TTBK1: variants seen among roughly 807,000 people sequenced by gnomAD.
TTBK1 encodes tau-tubulin kinase 1.
Under a neutral mutation model 108.5 loss-of-function variants are expected in TTBK1, and 34 were observed. The observed-to-expected ratio is 0.31, with a 90% CI of 0.24 to 0.42. The LOEUF is 0.42. TTBK1 is among the 10% of genes least tolerant of loss of function. The pLI is 1.00. For missense variants in TTBK1, 1,539 were observed against 1,826.0 expected, an observed-to-expected ratio of 0.84 and a Z score of 2.86; for synonymous variants, 809 against 795.1, an observed-to-expected ratio of 1.02 and a Z score of -0.29.
intron 13 of TTBK1, among the ~76,000 whole-genome samples, chr6:43,268,046 G>A (rs1400497624): frequency 6.6e-6 from 1 of 152,236 alleles, no homozygotes; most frequent in African/African-American, 2.4e-5. Context: ...CTGGGAGCTT[G>A]CAGGGGAGGG....
chr6:43,253,197 G>A lies in TTBK1; in HGVS notation c.257-94G>A. 1 of 1,372,834 alleles carries A rather than the reference G, an allele frequency of 7.3e-7. No homozygotes were observed. The highest frequency in any genetic ancestry group is 1.0e-6 in the Non-Finnish European group (1 of 962,476). 85.0% of individuals were successfully genotyped at this position (1,372,834 alleles called of 1,614,324 possible). ...GTGCTCACAGGGCCAGCACTGGAGG[G>A]ACCAGGAATCAAGAGTGCACTAGGA... On this transcript the variant is annotated intron_variant, in intron 3 of 14. Transcript: ENST00000259750. The surrounding 1 kb of genome is among the most constrained non-coding windows in gnomAD (Gnocchi z 5.8).
In TTBK1 at chr6:43,276,049, C is replaced by T. The variant is rs892676739; in HGVS notation, c.1987-6678C>T. ...TGCGTAAGGAGACGCCTTCTAATTGCGGGGTGGGGGCGGAGTAGGGGAGGG... is the reference window on the plus strand; with the variant it reads ...TGCGTAAGGAGACGCCTTCTAATTGTGGGGTGGGGGCGGAGTAGGGGAGGG... On this transcript the variant is annotated intron_variant, in intron 13 of 14. Coordinates refer to ENST00000259750, the MANE Select transcript of TTBK1 (RefSeq NM_032538.3). The surrounding 1 kb of genome is among the most constrained non-coding windows in gnomAD (Gnocchi z 5.4). Among the ~76,000 whole-genome samples, 2 of 151,156 alleles carry T rather than the reference C, an allele frequency of 1.3e-5. No homozygotes were observed. Among genetic ancestry groups the T allele is most frequent in the Admixed American group, 6.6e-5 (1 of 15,266 alleles).
chr6:43,280,985 G>A (rs987735102), intron 13 of TTBK1, among the ~76,000 whole-genome samples: 4 of 152,166 alleles, frequency 2.6e-5, no homozygotes, highest in African/African-American at 9.7e-5. Context: ...GGCAGGGGCA[G>A]GGGACGGAGG....
chr6:43,271,683 G>A, intron 13 of TTBK1: 1 of 985,196 alleles, frequency 1.0e-6, no homozygotes, highest in Non-Finnish European at 1.2e-6. Flanking sequence ...CCACCATTGT[G>A]GTATGGCTCA....
At position 43,247,247 on chromosome 6, in the gene TTBK1, C is replaced by A. The variant is rs536818619; in HGVS notation, c.108+479C>A. Among the ~76,000 whole-genome samples, 3 of 152,340 alleles carry A rather than the reference C, an allele frequency of 2.0e-5. No homozygotes were observed. The East Asian group carries it at 5.8e-4, about 29-fold the overall frequency. On this transcript the variant is annotated intron_variant, in intron 2 of 14. Coordinates refer to ENST00000259750, the MANE Select transcript of TTBK1 (RefSeq NM_032538.3). ...CACTCCATCTTCTCCATCCAGCCTC[C>A]TCCCCTCGCCGGGTCCTGCGGCAGG... is the stretch of plus-strand genomic sequence containing the variant.
At chr6:43,264,723 G>A (rs1276645103) in intron 13 of TTBK1, among the ~76,000 whole-genome samples, 1 of 152,182 alleles carries the variant, frequency 6.6e-6, no homozygotes, top group Non-Finnish European at 1.5e-5. Context: ...GCAGGGAGGA[G>A]TGGGAAGTGG....
At position 43,257,474 on chromosome 6, in the gene TTBK1, C is replaced by G. The variant is rs180827766; in HGVS notation, c.862-338C>G. Among the ~76,000 whole-genome samples the G allele has an allele frequency of 9.9e-5, 15 of 152,088 alleles. No homozygotes were observed. In the East Asian group the frequency reaches 2.5e-3, roughly 26 times the overall value. On this transcript the variant is annotated intron_variant, in intron 9 of 14. Coordinates refer to ENST00000259750, the MANE Select transcript of TTBK1 (RefSeq NM_032538.3). The surrounding 1 kb of genome is among the most constrained non-coding windows in gnomAD (Gnocchi z 4.5). ...AGGGGCAGTCTGTGCAGAGGCAGCA[C>G]CCCATGCATGGGTTTGGAAACTCCC...
In TTBK1 at chr6:43,263,469, G is replaced by A; in HGVS notation, c.1986+119G>A. 1 of 1,005,786 alleles carries A rather than the reference G, an allele frequency of 9.9e-7. No homozygotes were observed. The highest frequency in any genetic ancestry group is 2.8e-5 in the East Asian group (1 of 35,430). The allele number at this position is 1,005,786 out of a possible 1,614,324, so 62.3% of individuals were successfully genotyped here. On this transcript the variant is annotated intron_variant, in intron 13 of 14. Transcript: ENST00000259750. The surrounding 1 kb of genome is among the most constrained non-coding windows in gnomAD (Gnocchi z 4.7). The stretch of plus-strand genomic sequence containing the variant: ...CCAGTAAGCCAGCAGTCACAGGGCT[G>A]TGATGGAGGTAGACAGGCTTAAGGG...
rs371995432 is a variant in TTBK1 at position 43,280,614 on chromosome 6, T to C, written c.1987-2113T>C. Among the ~76,000 whole-genome samples, 80 of 152,308 alleles carry C rather than the reference T, an allele frequency of 5.3e-4. 3 individuals carry two copies. Among genetic ancestry groups the C allele is most frequent in the African/African-American group, 1.7e-3 (70 of 41,560 alleles). On this transcript the variant is annotated intron_variant, in intron 13 of 14. Coordinates refer to ENST00000259750, the MANE Select transcript of TTBK1 (RefSeq NM_032538.3). ...ACAAGAGACATTCAAAGACCACTTC[T>C]TGAGGGAGTAAATGAAGAAACCCTC...
chr6:43,278,172 A>G (rs1333668017), intron 13 of TTBK1, among the ~76,000 whole-genome samples: 1 of 152,076 alleles, frequency 6.6e-6, no homozygotes, highest in Non-Finnish European at 1.5e-5. Context: ...GGTGTCAGAG[A>G]AGTTTCCCCA....
Position 43,253,554 on chromosome 6 carries a change from C to G in TTBK1, c.331-14C>G. The stretch of plus-strand genomic sequence containing the variant: ...CTGAGGGTGAGTCTACCCCCCACCT[C>G]CACCCCCATGCAGGGCCGGAACCTG... On this transcript the variant is annotated splice_polypyrimidine_tract_variant and intron_variant, in intron 4 of 14. Coordinates refer to ENST00000259750, the MANE Select transcript of TTBK1 (RefSeq NM_032538.3). This position sits in a 1 kb window ranked among gnomAD's most constrained non-coding sequence, Gnocchi z 5.8. 1 of 1,599,416 alleles carries G rather than the reference C, an allele frequency of 6.3e-7. No homozygotes were observed. Among genetic ancestry groups the G allele is most frequent in the Non-Finnish European group, 8.5e-7 (1 of 1,172,564 alleles).
rs755920971 is a variant in TTBK1 at position 43,246,699 on chromosome 6, C to A, written c.39C>A (p.Asn13Lys). ...CLAAALKDETNMSGGGEQADI... is the reference protein window; with the variant it reads ...CLAAALKDETKMSGGGEQADI... ...CGGCCGCCCTTAAGGACGAAACCAA[C>A]ATGAGTGGGGGAGGGGAGCAGGCCG... The change falls in exon 2 of 15, where the codon AAC becomes AAA. Residue 13 changes from asparagine to lysine, a missense_variant. Transcript: ENST00000259750. 1.1e-5 allele frequency: 17 copies of A among 1,612,038 alleles called. No individual in the cohort carries two copies. In the African/African-American group the frequency reaches 2.3e-4, roughly 22 times the overall value.
At position 43,279,802 on chromosome 6, in the gene TTBK1, G is replaced by A. The variant is rs558726707; in HGVS notation, c.1987-2925G>A. ...TTGTTGTGTTTTTTGAGACAGTGTC[G>A]TTCTGTTGCCCAGGCTGGAGTGCAG... On this transcript the variant is annotated intron_variant, in intron 13 of 14. Coordinates refer to ENST00000259750, the MANE Select transcript of TTBK1 (RefSeq NM_032538.3). Among the ~76,000 whole-genome samples the A allele has an allele frequency of 5.4e-4, 82 of 152,080 alleles. 1 individual carries two copies. In the South Asian group the frequency reaches 0.014, roughly 27 times the overall value.
chr6:43,277,501 C>T (rs1435836698), intron 13 of TTBK1, among the ~76,000 whole-genome samples: 12 of 152,350 alleles, frequency 7.9e-5, no homozygotes, highest in South Asian at 2.1e-4. Flanking sequence ...CCCAAAGCCC[C>T]GGGGCATTTA....
chr6:43,259,856 T>C lies in TTBK1; in HGVS notation c.1424+150T>C, dbSNP rs553720336. ...TACTTGGGCCTGGGGTCAGACTCAG[T>C]TGGGGCCAGAGACAGGGCCTGGGAG... On this transcript the variant is annotated intron_variant, in intron 12 of 14. Coordinates refer to ENST00000259750, the MANE Select transcript of TTBK1 (RefSeq NM_032538.3). The surrounding 1 kb of genome is among the most constrained non-coding windows in gnomAD (Gnocchi z 6.7). 15 of 797,844 alleles carry C rather than the reference T, an allele frequency of 1.9e-5. No individual in the cohort carries two copies. Among genetic ancestry groups the C allele is most frequent in the Non-Finnish European group, 2.8e-5 (15 of 528,622 alleles). 49.4% of individuals were successfully genotyped at this position (797,844 alleles called of 1,614,324 possible).
chr6:43,258,257 TGCATGAATTTAACA>T (rs1777430485), intron 10 of TTBK1, among the ~76,000 whole-genome samples: 1 of 152,226 alleles, frequency 6.6e-6, no homozygotes, highest in African/African-American at 2.4e-5. Context: ...ATCATTCATA[TGCATGAATTTAACA>T]GCCATGTCCT....
intron 13 of TTBK1, chr6:43,271,873 C>G: frequency 2.0e-6 from 2 of 983,216 alleles, no homozygotes; most frequent in South Asian, 9.5e-5. Context: ...TGTGCCCCAC[C>G]CCCACCCCCA....
At position 43,252,600 on chromosome 6, in the gene TTBK1, C is replaced by A. The variant is rs1020186027; in HGVS notation, c.109-139C>A. 51 of 951,944 alleles carry A rather than the reference C, an allele frequency of 5.4e-5. No individual in the cohort carries two copies. The South Asian group carries it at 7.6e-4, about 14-fold the overall frequency. The allele number at this position is 951,944 out of a possible 1,614,324, so 59.0% of individuals were successfully genotyped here. A position where few individuals can be genotyped will look rare whatever the true frequency, so the allele number is the denominator to read the frequency against. Reference sequence around the variant, plus strand: ...TTGCACCACTGCACTCCAGCCTGGGCGACAAAGTGAGACTCCATCTCAAAA... The same window carrying A: ...TTGCACCACTGCACTCCAGCCTGGGAGACAAAGTGAGACTCCATCTCAAAA... On this transcript the variant is annotated intron_variant, in intron 2 of 14. Coordinates refer to ENST00000259750, the MANE Select transcript of TTBK1 (RefSeq NM_032538.3).
chr6:43,283,007 A>T lies in TTBK1; in HGVS notation c.2267A>T (p.Glu756Val). The T allele has an allele frequency of 6.3e-7, 1 of 1,596,740 alleles. No individual in the cohort carries two copies. The change falls in exon 14 of 15, where the codon GAG (glutamate) becomes GTG (valine). Residue 756 changes from glutamate (E) to valine (V), a missense_variant. Glu to Val is a moderately radical substitution (Grantham distance 121, BLOSUM62 -2). Transcript: ENST00000259750. This position sits in a 1 kb window ranked among gnomAD's most constrained non-coding sequence, Gnocchi z 8.1. Reference protein sequence around the residue: ...EEDEEEEEEEEEEEEEEEEEE... With the variant: ...EEDEEEEEEEVEEEEEEEEEE... ...GATGAGGAAGAAGAAGAGGAGGAAGAGGAAGAGGAGGAGGAAGAAGAGGAG... is the reference window on the plus strand; with the variant it reads ...GATGAGGAAGAAGAAGAGGAGGAAGTGGAAGAGGAGGAGGAAGAAGAGGAG...
Sources: gnomAD v4.1 joint callset for allele counts (sites outside exome capture counted in the v4.1 genomes callset) on GRCh38, gnomAD v4.1.1 for gene constraint, Gnocchi (gnomAD v3.1) non-coding constraint, MANE v1.5 for transcripts, NCBI Gene and HGNC (gene_info 2026-07-23, HGNC 2026-07-21) for gene names.